The following VTI1A variants were observed in gnomAD, a reference collection of about 807,000 sequenced individuals.
VTI1A encodes the protein vesicle transport through interaction with t-SNAREs 1A.
In VTI1A, 22 loss-of-function variants were observed where a neutral mutation model predicts 34.9. That is an observed-to-expected ratio of 0.63 (90% CI 0.45 to 0.90). The LOEUF is 0.90. Ranked by LOEUF, VTI1A falls within the 40% of genes least tolerant of loss-of-function variation. The probability of loss-of-function intolerance (pLI) is 0.00; values close to 1 mark genes in which losing one functional copy is unlikely to be tolerated. For synonymous variants in VTI1A, 87 were observed against 97.3 expected (o/e 0.89, Z 0.62); for missense variants, 268 against 275.6 (o/e 0.97, Z 0.20).
the VTI1A span, among the ~76,000 whole-genome samples, chr10:112,834,470 C>A: frequency 1.3e-5 from 2 of 152,202 alleles, no homozygotes; most frequent in Non-Finnish European, 2.9e-5. Flanking sequence ...CCATCCCTAA[C>A]CCCCTACCAA....
At chr10:112,845,042 G>A in the VTI1A span, among the ~76,000 whole-genome samples, 1 of 152,160 alleles carries the variant, frequency 6.6e-6, no homozygotes, top group East Asian at 1.9e-4. Context: ...GACTATGACC[G>A]TGTCAGCCGT....
At chr10:112,564,792 G>T (rs1327241985) in intron 5 of VTI1A, among the ~76,000 whole-genome samples, 1 of 152,096 alleles carries the variant, frequency 6.6e-6, no homozygotes. Context: ...GTGTACAATG[G>T]AATGCTGGCT....
At chr10:112,646,698 A>G (rs1846800490) in intron 5 of VTI1A, among the ~76,000 whole-genome samples, 1 of 151,924 alleles carries the variant, frequency 6.6e-6, no homozygotes. Context: ...TTTAGTAGAA[A>G]CGGGGTTTCA....
chr10:112,623,436 C>CTTT (rs36045478), intron 5 of VTI1A, among the ~76,000 whole-genome samples: 41 of 134,152 alleles, frequency 3.1e-4, no homozygotes, highest in South Asian at 4.7e-4. Flanking sequence ...TTAAAATAAC[C>CTTT]TTTTTTTTTT....
the VTI1A span, among the ~76,000 whole-genome samples, chr10:112,851,537 G>T: frequency 6.6e-6 from 1 of 152,210 alleles, no homozygotes; most frequent in Non-Finnish European, 1.5e-5. Flanking sequence ...CTCTGTTTGG[G>T]AAGTAAGGGG....
intron 1 of VTI1A, among the ~76,000 whole-genome samples, chr10:112,451,936 C>T (rs1036452832): frequency 5.9e-5 from 9 of 152,112 alleles, no homozygotes; most frequent in African/African-American, 1.4e-4. Flanking sequence ...TATGCAATTA[C>T]GTATTATTGA....
intron 5 of VTI1A, among the ~76,000 whole-genome samples, chr10:112,592,409 C>T (rs1460842315): frequency 1.3e-5 from 2 of 152,192 alleles, no homozygotes; most frequent in African/African-American, 4.8e-5. Flanking sequence ...TCTGTTCATC[C>T]TCCAAGGCTT....
At chr10:112,547,083 C>T (rs1237241222) in intron 5 of VTI1A, among the ~76,000 whole-genome samples, 1 of 152,128 alleles carries the variant, frequency 6.6e-6, no homozygotes, top group African/African-American at 2.4e-5. Flanking sequence ...AGTTGGATAC[C>T]AGCCTGGGCA....
intron 7 of VTI1A, among the ~76,000 whole-genome samples, chr10:112,710,199 A>T (rs139522688): frequency 1.4e-5 from 2 of 138,038 alleles, no homozygotes; most frequent in East Asian, 4.4e-4. Flanking sequence ...GTTGTCCTCC[A>T]GTTAATGTCT....
intron 7 of VTI1A, among the ~76,000 whole-genome samples, chr10:112,680,172 C>A (rs915300473): frequency 2.0e-5 from 3 of 152,184 alleles, no homozygotes; most frequent in Non-Finnish European, 4.4e-5. Context: ...CAAAGTTCAA[C>A]AAGACACTGA....
At chr10:112,501,293 A>C (rs1172365276) in intron 3 of VTI1A, among the ~76,000 whole-genome samples, 1 of 152,086 alleles carries the variant, frequency 6.6e-6, no homozygotes, top group Non-Finnish European at 1.5e-5. Flanking sequence ...AAATAATAAA[A>C]TTTTCTCCCC....
intron 3 of VTI1A, among the ~76,000 whole-genome samples, chr10:112,493,454 A>T (rs1848907157): frequency 6.6e-6 from 1 of 152,000 alleles, no homozygotes; most frequent in African/African-American, 2.4e-5. Context: ...TAATTTTAAA[A>T]TTTTCTTTAT....
chr10:112,521,631 C>T (rs978957295), intron 3 of VTI1A, among the ~76,000 whole-genome samples: 2 of 152,000 alleles, frequency 1.3e-5, no homozygotes, highest in Non-Finnish European at 2.9e-5. Flanking sequence ...AGATCACATA[C>T]TGAAATGCTC....
In VTI1A at chr10:112,744,459, CT is replaced by C. The variant is rs11400561; in HGVS notation, c.561-70812del. Among the ~76,000 whole-genome samples the C allele has an allele frequency of 1.0e-3, 126 of 126,062 alleles. 1 individual carries two copies. The highest frequency in any genetic ancestry group is 4.1e-3 in the Middle Eastern group (1 of 246). 82.7% of individuals were successfully genotyped at this position (126,062 alleles called of 152,430 possible). ...ACATGCTTACATTTTCTTCTTCTTC[CT>C]TTTTTTTTTTTTTTTTTTGAGACAG... On this transcript the variant is annotated intron_variant, in intron 7 of 7. Coordinates refer to ENST00000393077, the MANE Select transcript of VTI1A (RefSeq NM_145206.4).
At chr10:112,809,989 G>C (rs944622604) in intron 7 of VTI1A, among the ~76,000 whole-genome samples, 17 of 152,010 alleles carry the variant, frequency 1.1e-4, no homozygotes, top group Admixed American at 5.2e-4. Context: ...ACCTAAAAAT[G>C]CTTTTTGGTC....
At chr10:112,454,609 A>G (rs1564782688) in intron 1 of VTI1A, among the ~76,000 whole-genome samples, 3 of 152,108 alleles carry the variant, frequency 2.0e-5, no homozygotes, top group Non-Finnish European at 4.4e-5. Context: ...CTCTAAATGA[A>G]AAAGAAAACT....
intron 5 of VTI1A, among the ~76,000 whole-genome samples, chr10:112,620,628 T>C (rs1845697669): frequency 6.6e-6 from 1 of 151,826 alleles, no homozygotes; most frequent in South Asian, 2.1e-4. Context: ...CCGTCTCTAC[T>C]AAAATACAAA....
intron 1 of VTI1A, among the ~76,000 whole-genome samples, 199 bp downstream of exon 1, chr10:112,447,666 C>T (rs1474093571): frequency 2.6e-5 from 4 of 152,124 alleles, no homozygotes; most frequent in African/African-American, 9.7e-5. Context: ...AAAGAGCCTT[C>T]GGAATCTGAG....
downstream of VTI1A, among the ~76,000 whole-genome samples, chr10:112,820,874 T>A (rs1163489770): frequency 6.6e-6 from 1 of 151,910 alleles, no homozygotes; most frequent in Non-Finnish European, 1.5e-5. Context: ...AGGTGAGGGA[T>A]GGAGGGTTTT....
Sources: gnomAD v4.1 joint callset for allele counts (sites outside exome capture counted in the v4.1 genomes callset) on GRCh38, gnomAD v4.1.1 for gene constraint, MANE v1.5 for transcripts, NCBI Gene and HGNC (gene_info 2026-07-23, HGNC 2026-07-21) for gene names.